ARRB1: variants seen among roughly 807,000 people sequenced by gnomAD.
The protein encoded by ARRB1 is beta-arrestin-1.
Under a neutral mutation model 56.8 loss-of-function variants are expected in ARRB1, and 21 were observed. The observed-to-expected ratio is 0.37, with a 90% confidence interval of 0.26 to 0.53. The LOEUF is 0.53. ARRB1 is among the 20% of genes least tolerant of loss of function. The probability of loss-of-function intolerance (pLI) is 0.88; values close to 1 mark genes in which losing one functional copy is unlikely to be tolerated. For missense variants in ARRB1, 424 were observed against 553.7 expected (o/e 0.77, Z 2.35); for synonymous variants, 210 against 218.6 (o/e 0.96, Z 0.35).
chr11:75,298,901 A>ACATTATGTTAAGTAAATTAACATAATGTT lies in ARRB1; in HGVS notation c.21-8891_21-8863dup, dbSNP rs1416858048. ...TGCTACAACATAATGAACCTTGAAA[A>ACATTATGTTAAGTAAATTAACATAATGTT]CATTATGTTAAGTAAATTAACATAA... is the stretch of plus-strand genomic sequence containing the variant. On this transcript the variant is annotated intron_variant, in intron 1 of 15. Coordinates refer to ENST00000420843, the MANE Select transcript of ARRB1 (RefSeq NM_004041.5). Among the ~76,000 whole-genome samples, 168 of 151,308 alleles carry ACATTATGTTAAGTAAATTAACATAATGTT rather than the reference A, an allele frequency of 1.1e-3. 4 individuals carry two copies. In the South Asian group the frequency reaches 0.034, roughly 31 times the overall value.
intron 1 of ARRB1, among the ~76,000 whole-genome samples, chr11:75,309,953 A>G (rs1233012224): frequency 6.6e-6 from 1 of 152,112 alleles, no homozygotes. Flanking sequence ...TTGCTCCTCA[A>G]AACAGTTCCC....
At position 75,281,126 on chromosome 11, in the gene ARRB1, T is replaced by C. The variant is rs139255455; in HGVS notation, c.431A>G (p.Tyr144Cys). 1.9e-6 allele frequency: 3 copies of C among 1,600,192 alleles called. No individual in the cohort carries two copies. The highest frequency in any genetic ancestry group is 2.6e-6 in the Non-Finnish European group (3 of 1,173,042). Residue 144 changes from tyrosine to cysteine, a missense_variant, in exon 7 of 16, where the codon TAT becomes TGT. Transcript: ENST00000420843. Reference protein sequence around the residue: ...EDTGKACGVDYEVKAFCAENL... With the variant: ...EDTGKACGVDCEVKAFCAENL... Reference sequence around the variant, plus strand: ...CTCCGCGCAGAAGGCTTTGACTTCATAGTCCACACCGCAAGCCTGTGGGGA... The same window carrying C: ...CTCCGCGCAGAAGGCTTTGACTTCACAGTCCACACCGCAAGCCTGTGGGGA...
At chr11:75,314,452 G>A (rs1365624806) in intron 1 of ARRB1, among the ~76,000 whole-genome samples, 7 of 152,208 alleles carry the variant, frequency 4.6e-5, no homozygotes, top group Non-Finnish European at 1.0e-4. Context: ...CCCCTTAAGA[G>A]CATGCATGGC....
chr11:75,267,757 CG>C, intron 14 of ARRB1, 54 bp from the exon 15 acceptor site: 1 of 1,541,966 alleles, frequency 6.5e-7, no homozygotes, highest in East Asian at 2.3e-5. Context: ...TGGATGAGCA[CG>C]GGGCGAGTAA....
chr11:75,280,443 A>G (rs1483917304), intron 7 of ARRB1, among the ~76,000 whole-genome samples: 1 of 152,188 alleles, frequency 6.6e-6, no homozygotes, highest in Non-Finnish European at 1.5e-5. Flanking sequence ...AGGGCCCACC[A>G]GCTATTCCAG....
chr11:75,344,300 C>T (rs1162275590), intron 1 of ARRB1, among the ~76,000 whole-genome samples: 1 of 152,184 alleles, frequency 6.6e-6, no homozygotes, highest in Non-Finnish European at 1.5e-5. Context: ...GTAGCAGAGG[C>T]CTGAGACTTT....
At chr11:75,278,769 G>A in intron 7 of ARRB1, 25 bp from the exon 8 acceptor site, 16 of 1,586,986 alleles carry the variant, frequency 1.0e-5, no homozygotes, top group Non-Finnish European at 1.4e-5. Flanking sequence ...CGGAGTGAAA[G>A]AGGACCAGGG....
rs773335280 is a variant in ARRB1, at chr11:75,266,241, G to C, written c.1179C>G (p.Arg393=). ...CATCCTTCATGCCTTTCAGTCTCTG[G>C]CGAGCAAAGTCCTCAAATACAATGT... The part of the protein sequence containing the change: ...DDDIVFEDFA[R]QRLKGMKDDK... Residue 393 remains arginine, a synonymous_variant, in exon 16 of 16, where the codon CGC becomes CGG. Coordinates refer to ENST00000420843, the MANE Select transcript of ARRB1 (RefSeq NM_004041.5). 2.5e-6 allele frequency: 4 copies of C among 1,614,032 alleles called. No homozygotes were observed. The highest frequency in any genetic ancestry group is 3.4e-6 in the Non-Finnish European group (4 of 1,180,040).
In ARRB1 at chr11:75,290,026, C is replaced by T; in HGVS notation, c.34G>A (p.Ala12Thr). The T allele has an allele frequency of 6.2e-7, 1 of 1,614,236 alleles. No individual in the cohort carries two copies. The highest frequency in any genetic ancestry group is 8.5e-7 in the Non-Finnish European group (1 of 1,180,046). ...AGACTCACCTTTCCATTTGGACTGG[C>T]CTTCTTGAACACTCTGTGGAGAGAA... Reference protein sequence around the residue: ...GDKGTRVFKKASPNGKLTVYL... With the variant: ...GDKGTRVFKKTSPNGKLTVYL... Residue 12 changes from alanine (A) to threonine (T), a missense_variant, in exon 2 of 16, where the codon GCC (alanine) becomes ACC (threonine). Ala to Thr is a moderately conservative substitution (Grantham distance 58, BLOSUM62 0). This residue lies in a region of ARRB1 where 301 missense variants were observed against 387.9 expected (regional missense o/e 0.78). Coordinates refer to ENST00000420843, the MANE Select transcript of ARRB1 (RefSeq NM_004041.5).
At chr11:75,345,492 C>T (rs761874064) in intron 1 of ARRB1, among the ~76,000 whole-genome samples, 6 of 151,992 alleles carry the variant, frequency 3.9e-5, no homozygotes, top group Admixed American at 6.6e-5. Context: ...CCATCTGAGA[C>T]GATACCTGTT....
intron 1 of ARRB1, among the ~76,000 whole-genome samples, chr11:75,334,631 A>T (rs1163738243): frequency 6.6e-6 from 1 of 152,226 alleles, no homozygotes; most frequent in East Asian, 1.9e-4. Flanking sequence ...CCTTTCCAGG[A>T]AGGTCTTATC....
chr11:75,267,334 C>T (rs922770974), intron 15 of ARRB1, among the ~76,000 whole-genome samples: 1 of 152,112 alleles, frequency 6.6e-6, no homozygotes, highest in African/African-American at 2.4e-5. Flanking sequence ...ACAGGAGAGC[C>T]GAGCCCAGGG....
intron 1 of ARRB1, among the ~76,000 whole-genome samples, chr11:75,320,775 C>A (rs2140494900): frequency 6.6e-6 from 1 of 152,312 alleles, no homozygotes; most frequent in South Asian, 2.1e-4. Flanking sequence ...AGCCTGGAAT[C>A]TGCTAGGAAA....
chr11:75,325,716 C>G (rs1947420943), intron 1 of ARRB1, among the ~76,000 whole-genome samples: 1 of 152,212 alleles, frequency 6.6e-6, no homozygotes, highest in South Asian at 2.1e-4. Flanking sequence ...ATGCTAAGAA[C>G]AGGTAGGGGC....
At chr11:75,290,063 G>T (rs763252063) in intron 1 of ARRB1, 24 bp from the exon 2 acceptor site, 2 of 1,613,950 alleles carry the variant, frequency 1.2e-6, no homozygotes, top group South Asian at 1.1e-5. Flanking sequence ...GAGAGGTCAG[G>T]CCAGGGTTCG....
intron 1 of ARRB1, among the ~76,000 whole-genome samples, chr11:75,315,526 G>A (rs909137718): frequency 1.3e-5 from 2 of 152,186 alleles, no homozygotes; most frequent in African/African-American, 2.4e-5. Flanking sequence ...TAAGCACGGG[G>A]TCCCAGGCAG....
chr11:75,308,677 G>A (rs889560199), intron 1 of ARRB1, among the ~76,000 whole-genome samples: 12 of 151,932 alleles, frequency 7.9e-5, no homozygotes, highest in Non-Finnish European at 1.3e-4. Flanking sequence ...CCTGGGAGAC[G>A]GAGGTTGCAG....
At chr11:75,294,624 TAA>T (rs1946688285) in intron 1 of ARRB1, among the ~76,000 whole-genome samples, 2 of 151,204 alleles carry the variant, frequency 1.3e-5, no homozygotes, top group Admixed American at 6.6e-5. Context: ...AATATTTTTT[TAA>T]TGAAATGGAA....
chr11:75,331,905 C>T (rs910389864), intron 1 of ARRB1, among the ~76,000 whole-genome samples: 10 of 152,042 alleles, frequency 6.6e-5, no homozygotes, highest in East Asian at 1.9e-4. Context: ...GGTATACATC[C>T]GGATGGCCTG....
Sources: gnomAD v4.1 joint callset for allele counts (sites outside exome capture counted in the v4.1 genomes callset) on GRCh38, gnomAD v4.1.1 for gene constraint, gnomAD v4.1.1 regional missense constraint, MANE v1.5 for transcripts, NCBI Gene and HGNC (gene_info 2026-07-23, HGNC 2026-07-21) for gene names.